Variants in TUSC3 observed in about 807,000 individuals in gnomAD.
The protein encoded by TUSC3 is tumor suppressor candidate 3, also known as dolichyl-diphosphooligosaccharide--protein glycosyltransferase subunit TUSC3.
Under a neutral mutation model 44.8 loss-of-function variants are expected in TUSC3, and 45 were observed. That is an observed-to-expected ratio of 1.00 (90% CI 0.79 to 1.29). TUSC3 has a LOEUF of 1.29. Ranked by LOEUF, TUSC3 falls within the 50% of genes most tolerant of loss-of-function variation. The pLI is 0.00. For synonymous variants in TUSC3, 212 were observed against 152.9 expected (o/e 1.39, Z -2.85); for missense variants, 519 against 437.9 (o/e 1.19, Z -1.65).
rs146287485 is a variant in TUSC3, at chr8:15,650,564, T to G, written c.309-133T>G. Reference sequence around the variant, plus strand: ...AATCCTTTTTTTAAAAAAAAATATTTTAAAAACTATGCTTTTCTTACAGTC... The same window carrying G: ...AATCCTTTTTTTAAAAAAAAATATTGTAAAAACTATGCTTTTCTTACAGTC... On this transcript the variant is annotated intron_variant, in intron 2 of 10. Coordinates refer to ENST00000503731, the MANE Select transcript of TUSC3 (RefSeq NM_006765.4). The G allele has an allele frequency of 5.3e-5, 37 of 702,406 alleles. No individual in the cohort carries two copies. In the East Asian group the frequency reaches 9.6e-4, roughly 18 times the overall value. 43.5% of individuals were successfully genotyped at this position (702,406 alleles called of 1,614,324 possible).
chr8:15,778,510 G>A, the TUSC3 span, among the ~76,000 whole-genome samples: 9 of 151,920 alleles, frequency 5.9e-5, no homozygotes, highest in Admixed American at 4.6e-4. Context: ...TCTTTTAGCT[G>A]CTTCCCACAT....
chr8:15,469,544 T>G (rs934956473), intron 1 of TUSC3, among the ~76,000 whole-genome samples: 1 of 152,216 alleles, frequency 6.6e-6, no homozygotes, highest in African/African-American at 2.4e-5. Context: ...TCATTGCTGG[T>G]GGGAATACAA....
intron 1 of TUSC3, among the ~76,000 whole-genome samples, chr8:15,455,141 G>A (rs1427203560): frequency 2.6e-5 from 4 of 152,124 alleles, no homozygotes; most frequent in Admixed American, 2.0e-4. Flanking sequence ...CCCTACCATT[G>A]CATTGAGTAG....
intron 6 of TUSC3, among the ~76,000 whole-genome samples, chr8:15,722,492 C>G (rs1199837079): frequency 1.3e-5 from 2 of 152,016 alleles, no homozygotes; most frequent in Non-Finnish European, 2.9e-5. Context: ...CTCCAAAAGG[C>G]TCAGTTTCTC....
chr8:15,419,516 T>A (rs983249181), intron 1 of TUSC3, among the ~76,000 whole-genome samples: 5 of 152,232 alleles, frequency 3.3e-5, no homozygotes, highest in Non-Finnish European at 2.9e-5. Context: ...CCAAATTTGA[T>A]GTGGCAAGTT....
intron 1 of TUSC3, among the ~76,000 whole-genome samples, chr8:15,432,043 C>G (rs1054389078): frequency 1.3e-5 from 2 of 151,536 alleles, no homozygotes; most frequent in Non-Finnish European, 2.9e-5. Flanking sequence ...ATTTTTGTAT[C>G]TGTGTTCATC....
chr8:15,754,231 ACATTTGTAGATGTC>A (rs1471735993), intron 9 of TUSC3, among the ~76,000 whole-genome samples: 1 of 152,126 alleles, frequency 6.6e-6, no homozygotes, highest in Non-Finnish European at 1.5e-5. Context: ...TTCTGCAAAG[ACATTTGTAGATGTC>A]CATTTTCTAA....
At chr8:15,722,471 G>T (rs1810338346) in intron 6 of TUSC3, among the ~76,000 whole-genome samples, 2 of 151,962 alleles carry the variant, frequency 1.3e-5, no homozygotes, top group Non-Finnish European at 2.9e-5. Flanking sequence ...CCCACCATTT[G>T]GTTCTTCCAT....
intron 2 of TUSC3, among the ~76,000 whole-genome samples, chr8:15,504,808 A>G (rs1221769020): frequency 6.6e-5 from 10 of 150,534 alleles, no homozygotes. Context: ...GCCTGCCACC[A>G]TGCCCAGCTA....
chr8:15,782,598 T>C, the TUSC3 span, among the ~76,000 whole-genome samples: 1 of 152,202 alleles, frequency 6.6e-6, no homozygotes, highest in African/African-American at 2.4e-5. Context: ...AATCCATAAA[T>C]ATAATTCACC....
chr8:15,464,451 C>T (rs1185408523), intron 1 of TUSC3, among the ~76,000 whole-genome samples: 1 of 152,116 alleles, frequency 6.6e-6, no homozygotes, highest in Non-Finnish European at 1.5e-5. Context: ...TGAATCTAGG[C>T]ATAATAGGAA....
At chr8:15,515,834 T>A (rs915242129) in intron 2 of TUSC3, among the ~76,000 whole-genome samples, 1 of 150,384 alleles carries the variant, frequency 6.6e-6, no homozygotes. Flanking sequence ...CACCCGGCTA[T>A]TTTTTTTTGT....
chr8:15,441,636 T>C (rs1335552749), intron 1 of TUSC3, among the ~76,000 whole-genome samples: 1 of 152,142 alleles, frequency 6.6e-6, no homozygotes, highest in Non-Finnish European at 1.5e-5. Context: ...TTAGGGACAT[T>C]TCTCATTCCT....
At chr8:15,446,845 T>G (rs1034858180) in intron 1 of TUSC3, among the ~76,000 whole-genome samples, 9 of 147,018 alleles carry the variant, frequency 6.1e-5, no homozygotes, top group African/African-American at 2.0e-4. Flanking sequence ...CAGAAGTTCA[T>G]GTGGAGAGAA....
chr8:15,772,080 C>G, the TUSC3 span, among the ~76,000 whole-genome samples: 3 of 151,862 alleles, frequency 2.0e-5, no homozygotes, highest in Non-Finnish European at 2.9e-5. Context: ...CAGAGCAAGA[C>G]TCCGTCTCAA....
chr8:15,449,005 C>G (rs1237295721), intron 1 of TUSC3, among the ~76,000 whole-genome samples: 1 of 152,084 alleles, frequency 6.6e-6, no homozygotes, highest in African/African-American at 2.4e-5. Context: ...AGTAATGTCC[C>G]AGGCCTTCAC....
chr8:15,737,232 G>T (rs1028535074), intron 7 of TUSC3, among the ~76,000 whole-genome samples: 2 of 151,174 alleles, frequency 1.3e-5, no homozygotes, highest in African/African-American at 4.9e-5. Context: ...AATTCTTTAA[G>T]TAAGTCTTCT....
intron 2 of TUSC3, among the ~76,000 whole-genome samples, chr8:15,641,631 G>A (rs1363377037): frequency 6.6e-6 from 1 of 152,152 alleles, no homozygotes; most frequent in East Asian, 1.9e-4. Flanking sequence ...CATGACAACT[G>A]TTGAGAGAGA....
At chr8:15,849,203 G>A in the TUSC3 span, among the ~76,000 whole-genome samples, 22 of 152,218 alleles carry the variant, frequency 1.4e-4, no homozygotes, top group Admixed American at 1.0e-3. Flanking sequence ...ACTTCGTGAC[G>A]TATTCCATAT....
Sources: allele counts gnomAD v4.1 joint callset (sites outside exome capture counted in the v4.1 genomes callset), GRCh38; gene constraint gnomAD v4.1.1; transcripts MANE v1.5; gene names NCBI Gene and HGNC (gene_info 2026-07-23, HGNC 2026-07-21).